SRCIN1: variants seen among roughly 807,000 people sequenced by gnomAD.
The protein encoded by SRCIN1 is SRC kinase signaling inhibitor 1, also known as P130Cas-associated protein.
In SRCIN1, 50 loss-of-function variants were observed where a neutral mutation model predicts 116.2. That is an observed-to-expected ratio of 0.43 (90% CI 0.34 to 0.54). The LOEUF (loss-of-function observed/expected upper bound fraction) is 0.54. Among genes scored for constraint, SRCIN1 ranks in the 20% least tolerant of loss-of-function variants. The pLI is 0.02. For synonymous variants in SRCIN1, 736 were observed against 750.0 expected, an observed-to-expected ratio of 0.98 and a Z score of 0.30; for missense variants, 1,446 against 1,672.0, an observed-to-expected ratio of 0.86 and a Z score of 2.36.
At chr17:38,595,805 T>C (rs1597937097) in intron 1 of SRCIN1, among the ~76,000 whole-genome samples, 1 of 152,162 alleles carries the variant, frequency 6.6e-6, no homozygotes, top group Admixed American at 6.5e-5. Context: ...TGCACACACA[T>C]GTACATGCAC....
At chr17:38,584,170 C>T (rs138480309) in intron 1 of SRCIN1, among the ~76,000 whole-genome samples, 17 of 152,126 alleles carry the variant, frequency 1.1e-4, no homozygotes, top group African/African-American at 2.6e-4. Context: ...TAGAGAGAGA[C>T]GGAGGCAGGG....
rs1905981503 is a variant in SRCIN1, at chr17:38,558,687, A to G, written c.2026-285T>C. 6.6e-6 allele frequency among the ~76,000 whole-genome samples: 1 copy of G among 151,958 alleles called. No homozygotes were observed. The highest frequency in any genetic ancestry group is 6.6e-5 in the Admixed American group (1 of 15,266). ...GGGGAGCGTTAAAATGGGCCATGCAAAGGGGGAGCTGCATGGCTGTGGCCG... is the reference window on the plus strand; with the variant it reads ...GGGGAGCGTTAAAATGGGCCATGCAGAGGGGGAGCTGCATGGCTGTGGCCG... On this transcript the variant is annotated intron_variant, in intron 10 of 18. Coordinates refer to ENST00000617146, the MANE Select transcript of SRCIN1 (RefSeq NM_025248.3). The surrounding 1 kb of genome is among the most constrained non-coding windows in gnomAD (Gnocchi z 4.6).
At chr17:38,595,636 C>T (rs577390215) in intron 1 of SRCIN1, among the ~76,000 whole-genome samples, 1 of 152,312 alleles carries the variant, frequency 6.6e-6, no homozygotes, top group African/African-American at 2.4e-5. Flanking sequence ...CCATCTTCTC[C>T]CATCCCCCAC....
At chr17:38,564,385 T>A (rs1415059344) in intron 3 of SRCIN1, 72 bp from the exon 4 acceptor site, 4 of 1,434,050 alleles carry the variant, frequency 2.8e-6, no homozygotes, top group Non-Finnish European at 3.7e-6. Flanking sequence ...TCACTGCCCA[T>A]ATCCAGGCCT....
intron 2 of SRCIN1, among the ~76,000 whole-genome samples, chr17:38,571,024 A>C (rs1597914041): frequency 6.6e-6 from 1 of 151,948 alleles, no homozygotes. Flanking sequence ...TTTCATGTTG[A>C]CCCCACCAGG....
In SRCIN1 at chr17:38,578,699, T is replaced by TGCCCCCGCC. The variant is rs1213794415; in HGVS notation, c.106_114dup (p.Gly36_Gly38dup). 11 of 1,510,410 alleles carry TGCCCCCGCC rather than the reference T, an allele frequency of 7.3e-6. No individual in the cohort carries two copies. The highest frequency in any genetic ancestry group is 2.3e-4 in the Middle Eastern group (1 of 4,306). 93.6% of individuals were successfully genotyped at this position (1,510,410 alleles called of 1,614,324 possible). On this transcript the variant is annotated inframe_insertion, in exon 2 of 19. Transcript: ENST00000617146. ...ACGTTGGAGAAGCGCCGGCCCCCGC[T>TGCCCCCGCC]GCCCCCGCCGCCCCCGCCCCCCAGG...
chr17:38,552,016 C>CG lies in SRCIN1; in HGVS notation c.2596_2597insC (p.Ser866ThrfsTer8). 1 of 1,613,884 alleles carries CG rather than the reference C, an allele frequency of 6.2e-7. No homozygotes were observed. Among genetic ancestry groups the CG allele is most frequent in the Non-Finnish European group, 8.5e-7 (1 of 1,179,882 alleles). On this transcript the variant is annotated frameshift_variant, in exon 14 of 19. Coordinates refer to ENST00000617146, the MANE Select transcript of SRCIN1 (RefSeq NM_025248.3). LOFTEE classifies it high-confidence loss of function. This position sits in a 1 kb window ranked among gnomAD's most constrained non-coding sequence, Gnocchi z 5.3. ...CAGCTCATGCAGGTTCAGCGGGGGG[C>CG]TGGGGGGTGGCATTTCGAAGTCCAC...
At position 38,598,090 on chromosome 17, in the gene SRCIN1, G is replaced by C. The variant is rs1048706901; in HGVS notation, c.22+7594C>G. 3.9e-5 allele frequency among the ~76,000 whole-genome samples: 6 copies of C among 152,272 alleles called. No homozygotes were observed. The South Asian group carries it at 1.2e-3, about 32-fold the overall frequency. ...GTTCCCATAGTGCCCAGGTAGAGGAGAGCCCAGAAGTTCTGGGGTGGACAA... is the reference window on the plus strand; with the variant it reads ...GTTCCCATAGTGCCCAGGTAGAGGACAGCCCAGAAGTTCTGGGGTGGACAA... On this transcript the variant is annotated intron_variant, in intron 1 of 18. Coordinates refer to ENST00000617146, the MANE Select transcript of SRCIN1 (RefSeq NM_025248.3).
chr17:38,543,730 G>T, intron 18 of SRCIN1, 93 bp downstream of exon 18: 2 of 1,500,788 alleles, frequency 1.3e-6, no homozygotes, highest in Admixed American at 4.0e-5. Context: ...GGGAAAGCTG[G>T]TCACGGGAGC....
intron 1 of SRCIN1, among the ~76,000 whole-genome samples, chr17:38,594,092 C>T (rs1457650762): frequency 6.6e-6 from 1 of 152,206 alleles, no homozygotes; most frequent in African/African-American, 2.4e-5. Flanking sequence ...TGCCCTGGCC[C>T]CCTCTGCCTG....
chr17:38,580,121 G>C (rs780352261), intron 1 of SRCIN1, among the ~76,000 whole-genome samples: 1 of 152,132 alleles, frequency 6.6e-6, no homozygotes, highest in African/African-American at 2.4e-5. Flanking sequence ...GACGCGGCTG[G>C]AAACGCTGGA....
intron 2 of SRCIN1, among the ~76,000 whole-genome samples, chr17:38,573,676 G>A (rs536958187): frequency 6.6e-6 from 1 of 152,314 alleles, no homozygotes; most frequent in African/African-American, 2.4e-5. Flanking sequence ...CTCCATCTGG[G>A]GAGGACCTCT....
chr17:38,540,268 GCA>G (rs1904644463), intron 18 of SRCIN1, among the ~76,000 whole-genome samples: 1 of 152,110 alleles, frequency 6.6e-6, no homozygotes, highest in African/African-American at 2.4e-5. Context: ...CTGCTGCAAG[GCA>G]CCTCCATCTT....
At chr17:38,545,811 T>C (rs991997860) in intron 17 of SRCIN1, among the ~76,000 whole-genome samples, 1 of 152,174 alleles carries the variant, frequency 6.6e-6, no homozygotes, top group African/African-American at 2.4e-5. Context: ...GTGGGGCCGG[T>C]GGAGGATGAA....
Position 38,560,376 on chromosome 17 carries a change from C to G in SRCIN1, c.1750G>C (p.Val584Leu). The G allele has an allele frequency of 6.2e-7, 1 of 1,612,088 alleles. No individual in the cohort carries two copies. The highest frequency in any genetic ancestry group is 8.5e-7 in the Non-Finnish European group (1 of 1,179,172). The change falls in exon 8 of 19, where the codon GTG (valine) becomes CTG (leucine). Residue 584 changes from valine to leucine, a missense_variant. Val to Leu is a conservative substitution (Grantham distance 32). This residue lies in a region of SRCIN1 where 398 missense variants were observed against 385.6 expected (regional missense o/e 1.03). Transcript: ENST00000617146. The part of the protein sequence containing the change: ...EKQIASLTGL[V>L]QSALLRGSEP... ...GAGCCTCGCAGTAAGGCGCTCTGCA[C>G]CAGGCCTGTGAGGCTGGCAATCTGC...
At chr17:38,567,962 T>A in intron 3 of SRCIN1, among the ~76,000 whole-genome samples, 1 of 152,162 alleles carries the variant, frequency 6.6e-6, no homozygotes, top group East Asian at 1.9e-4. Flanking sequence ...GCCTGGGGAC[T>A]GAGCATCTCT....
intron 3 of SRCIN1, 147 bp from the exon 4 acceptor site, chr17:38,564,460 C>T: frequency 4.5e-6 from 4 of 884,632 alleles, no homozygotes; most frequent in Non-Finnish European, 6.7e-6. Flanking sequence ...TTACAGACTC[C>T]TGGCATGGCC....
At chr17:38,543,364 C>A (rs530611610) in intron 18 of SRCIN1, among the ~76,000 whole-genome samples, 24 of 152,212 alleles carry the variant, frequency 1.6e-4, no homozygotes, top group Middle Eastern at 3.4e-3. Flanking sequence ...GAATAGCAGG[C>A]GGAGCCCTGG....
In SRCIN1 at chr17:38,561,528, A is replaced by G; in HGVS notation, c.1635T>C (p.Pro545=). The change falls in exon 7 of 19, where the codon CCT becomes CCC. Residue 545 remains proline, a synonymous_variant. Coordinates refer to ENST00000617146, the MANE Select transcript of SRCIN1 (RefSeq NM_025248.3). ...TAGAPPSELF[P]GPGERSLVGF... is the part of the protein sequence containing the mutation. Reference sequence around the variant, plus strand: ...CAACCAGCGAGCGTTCCCCAGGCCCAGGGAAGAGCTCCGAAGGGGGAGCTC... The same window carrying G: ...CAACCAGCGAGCGTTCCCCAGGCCCGGGGAAGAGCTCCGAAGGGGGAGCTC... The G allele has an allele frequency of 6.3e-7, 1 of 1,598,930 alleles. No individual in the cohort carries two copies. Among genetic ancestry groups the G allele is most frequent in the Non-Finnish European group, 8.5e-7 (1 of 1,177,010 alleles).
Sources: gnomAD v4.1 joint callset for allele counts (sites outside exome capture counted in the v4.1 genomes callset) on GRCh38, gnomAD v4.1.1 for gene constraint, gnomAD v4.1.1 regional missense constraint, Gnocchi (gnomAD v3.1) non-coding constraint, MANE v1.5 for transcripts, NCBI Gene and HGNC (gene_info 2026-07-23, HGNC 2026-07-21) for gene names.